Variants in ZDHHC14 observed in about 807,000 individuals in gnomAD.
The protein encoded by ZDHHC14 is zDHHC palmitoyltransferase 14.
A neutral mutation model predicts 47.7 loss-of-function variants in ZDHHC14; 16 were observed. The observed-to-expected ratio is 0.34, with a 90% CI of 0.23 to 0.51. ZDHHC14 has a LOEUF of 0.51. Among genes scored for constraint, ZDHHC14 ranks in the 20% least tolerant of loss-of-function variants. The pLI is 0.97. For synonymous variants in ZDHHC14, 293 were observed against 278.9 expected, an observed-to-expected ratio of 1.05 and a Z score of -0.50; for missense variants, 515 against 662.5, an observed-to-expected ratio of 0.78 and a Z score of 2.44.
intron 2 of ZDHHC14, among the ~76,000 whole-genome samples, chr6:157,556,833 G>A (rs1463545234): frequency 1.3e-5 from 2 of 152,204 alleles, no homozygotes; most frequent in Non-Finnish European, 2.9e-5. Context: ...GGCCCGGGCG[G>A]GTTCCAGGCG....
intron 1 of ZDHHC14, among the ~76,000 whole-genome samples, chr6:157,402,977 C>T (rs956559594): frequency 3.3e-5 from 5 of 152,198 alleles, no homozygotes; most frequent in Non-Finnish European, 5.9e-5. Context: ...TCAGGTGATC[C>T]GCCCGCATCT....
chr6:157,563,113 T>G (rs1186180555), intron 2 of ZDHHC14, among the ~76,000 whole-genome samples: 1 of 152,178 alleles, frequency 6.6e-6, no homozygotes, highest in African/African-American at 2.4e-5. Flanking sequence ...TGGGCTGGAC[T>G]CCTGGAGGTG....
At chr6:157,449,134 T>C (rs920299355) in intron 1 of ZDHHC14, among the ~76,000 whole-genome samples, 6 of 152,276 alleles carry the variant, frequency 3.9e-5, no homozygotes, top group African/African-American at 1.2e-4. Flanking sequence ...ACATTTCAGT[T>C]GATGGATAGA....
At chr6:157,665,071 G>T (rs1446716146) in intron 8 of ZDHHC14, among the ~76,000 whole-genome samples, 1 of 152,232 alleles carries the variant, frequency 6.6e-6, no homozygotes, top group Non-Finnish European at 1.5e-5. Flanking sequence ...TTGGTTGGTT[G>T]TGGGGCTTAC....
At chr6:157,518,179 C>G (rs1267807695) in intron 1 of ZDHHC14, among the ~76,000 whole-genome samples, 2 of 152,162 alleles carry the variant, frequency 1.3e-5, no homozygotes, top group East Asian at 3.9e-4. Flanking sequence ...AGTTGCTTTT[C>G]TTTCTTTTTT....
intron 3 of ZDHHC14, among the ~76,000 whole-genome samples, chr6:157,625,622 G>A (rs565336090): frequency 5.3e-5 from 8 of 152,220 alleles, no homozygotes; most frequent in African/African-American, 1.7e-4. Context: ...AGAATGTGGG[G>A]TGGGGATTAG....
chr6:157,534,423 A>T (rs940139257), intron 1 of ZDHHC14, among the ~76,000 whole-genome samples: 3 of 152,198 alleles, frequency 2.0e-5, no homozygotes, highest in African/African-American at 7.2e-5. Flanking sequence ...TGTGGTTGCC[A>T]TGCCTAAGTA....
At chr6:157,504,712 G>A (rs1433600023) in intron 1 of ZDHHC14, among the ~76,000 whole-genome samples, 1 of 151,398 alleles carries the variant, frequency 6.6e-6, no homozygotes, top group African/African-American at 2.4e-5. Flanking sequence ...CGCCCGGCCT[G>A]CATGGGCATA....
At chr6:157,656,870 A>G (rs987781137) in intron 8 of ZDHHC14, among the ~76,000 whole-genome samples, 10 of 152,066 alleles carry the variant, frequency 6.6e-5, no homozygotes, top group South Asian at 6.2e-4. Flanking sequence ...CTGGAAGCAG[A>G]GCCTCTTCAC....
chr6:157,485,039 A>G (rs916511661), intron 1 of ZDHHC14, among the ~76,000 whole-genome samples: 2 of 152,086 alleles, frequency 1.3e-5, no homozygotes, highest in African/African-American at 4.8e-5. Flanking sequence ...AGAGGTTGAC[A>G]TGAGACGAGA....
chr6:157,431,446 T>G (rs935823048), intron 1 of ZDHHC14, among the ~76,000 whole-genome samples: 1 of 152,160 alleles, frequency 6.6e-6, no homozygotes, highest in African/African-American at 2.4e-5. Flanking sequence ...CCATATCCAA[T>G]GCAAGGGAAC....
At chr6:157,651,195 C>G (rs1056408487) in intron 7 of ZDHHC14, among the ~76,000 whole-genome samples, 1 of 152,228 alleles carries the variant, frequency 6.6e-6, no homozygotes, top group Non-Finnish European at 1.5e-5. Flanking sequence ...AGCCTTAAAT[C>G]AAGGTGCTGG....
intron 1 of ZDHHC14, among the ~76,000 whole-genome samples, chr6:157,471,667 A>C (rs539635719): frequency 6.6e-6 from 1 of 152,240 alleles, no homozygotes. Flanking sequence ...CGGACTGGTT[A>C]TAAAACATCC....
chr6:157,399,404 AT>A (rs1463659494), intron 1 of ZDHHC14, among the ~76,000 whole-genome samples: 2 of 152,226 alleles, frequency 1.3e-5, no homozygotes, highest in Non-Finnish European at 2.9e-5. Context: ...GGGATAAGAA[AT>A]AAAAGTGTGT....
intron 1 of ZDHHC14, among the ~76,000 whole-genome samples, chr6:157,450,050 T>C (rs9457487): frequency 0.26 from 38,838 of 151,944 alleles, 5,367 homozygotes; most frequent in Admixed American, 0.38. Flanking sequence ...CAGTGTCCGC[T>C]ATATCATAAG....
At chr6:157,511,747 A>G (rs1482125868) in intron 1 of ZDHHC14, among the ~76,000 whole-genome samples, 1 of 152,186 alleles carries the variant, frequency 6.6e-6, no homozygotes, top group East Asian at 1.9e-4. Flanking sequence ...TGTTCAGCCT[A>G]TTTAATTTCC....
intron 1 of ZDHHC14, among the ~76,000 whole-genome samples, chr6:157,454,499 T>TTTTTTC (rs1778869185): frequency 9.0e-5 from 1 of 11,088 alleles, no homozygotes; most frequent in African/African-American, 1.4e-4. Flanking sequence ...CAGCTTCTTC[T>TTTTTTC]TTTTTTTTTT....
intron 1 of ZDHHC14, among the ~76,000 whole-genome samples, chr6:157,444,655 G>A (rs1040352259): frequency 6.6e-6 from 1 of 151,284 alleles, no homozygotes; most frequent in South Asian, 2.1e-4. Context: ...CCCAGCCTGG[G>A]CGACCGAGAG....
At chr6:157,482,616 C>T (rs981288723) in intron 1 of ZDHHC14, among the ~76,000 whole-genome samples, 2 of 152,096 alleles carry the variant, frequency 1.3e-5, no homozygotes, top group Non-Finnish European at 2.9e-5. Flanking sequence ...TCAAGCTGAT[C>T]AACACTGTCT....
Sources: allele counts gnomAD v4.1 joint callset (sites outside exome capture counted in the v4.1 genomes callset), GRCh38; gene constraint gnomAD v4.1.1; transcripts MANE v1.5; gene names NCBI Gene and HGNC (gene_info 2026-07-23, HGNC 2026-07-21).